MAGI3: variants seen among roughly 807,000 people sequenced by gnomAD.
The protein encoded by MAGI3 is membrane associated guanylate kinase, WW and PDZ domain containing 3, also known as membrane-associated guanylate kinase, WW and PDZ domain-containing protein 3.
A neutral mutation model predicts 121.8 loss-of-function variants in MAGI3; 43 were observed. That is an observed-to-expected ratio of 0.35 (90% CI 0.28 to 0.46). The LOEUF is 0.46. Among genes scored for constraint, MAGI3 ranks in the 20% least tolerant of loss-of-function variants. MAGI3 has a pLI of 1.00. For synonymous variants in MAGI3, 553 were observed against 639.3 expected, an observed-to-expected ratio of 0.86 and a Z score of 2.04; for missense variants, 1,547 against 1,797.3, an observed-to-expected ratio of 0.86 and a Z score of 2.52.
intron 16 of MAGI3, among the ~76,000 whole-genome samples, chr1:113,671,278 T>C (rs1276215031): frequency 6.6e-6 from 1 of 152,182 alleles, no homozygotes; most frequent in Non-Finnish European, 1.5e-5. Context: ...ATATTGAAGA[T>C]GCAGGTTCAA....
chr1:113,666,610 C>A (rs755993293), intron 16 of MAGI3, among the ~76,000 whole-genome samples: 23 of 152,192 alleles, frequency 1.5e-4, no homozygotes, highest in Non-Finnish European at 2.8e-4. Flanking sequence ...TCAAAGTCAT[C>A]CATGGGAACT....
chr1:113,599,438 A>C (rs1649227664), intron 6 of MAGI3, among the ~76,000 whole-genome samples: 1 of 151,904 alleles, frequency 6.6e-6, no homozygotes, highest in South Asian at 2.1e-4. Context: ...GAATACTACG[A>C]ACACCTCTAC....
intron 14 of MAGI3, among the ~76,000 whole-genome samples, chr1:113,652,323 A>G (rs1653218269): frequency 6.6e-6 from 1 of 152,202 alleles, no homozygotes; most frequent in African/African-American, 2.4e-5. Context: ...TCGGCACCTA[A>G]AAGAGTGCCT....
At chr1:113,395,087 G>GTTTTTTGTTTTTTT (rs1651023419) in intron 1 of MAGI3, among the ~76,000 whole-genome samples, 1 of 33,244 alleles carries the variant, frequency 3.0e-5, no homozygotes, top group East Asian at 5.8e-4. Context: ...CTTTTTGTTA[G>GTTTTTTGTTTTTTT]TTTTTTTTTT....
At chr1:113,640,049 C>G (rs1354187101) in intron 9 of MAGI3, among the ~76,000 whole-genome samples, 1 of 152,008 alleles carries the variant, frequency 6.6e-6, no homozygotes, top group African/African-American at 2.4e-5. Flanking sequence ...ATAGACTGAC[C>G]CTGTCAAAAA....
At chr1:113,476,672 G>A (rs1420365616) in intron 1 of MAGI3, among the ~76,000 whole-genome samples, 2 of 152,216 alleles carry the variant, frequency 1.3e-5, no homozygotes, top group Non-Finnish European at 2.9e-5. Flanking sequence ...TAAGTGTGAT[G>A]TGGTGCTAAC....
intron 1 of MAGI3, among the ~76,000 whole-genome samples, chr1:113,395,303 A>C (rs1651053017): frequency 6.6e-6 from 1 of 151,678 alleles, no homozygotes; most frequent in Non-Finnish European, 1.5e-5. Context: ...AAAAAGAAGC[A>C]AGCCAAGCCC....
chr1:113,554,795 A>G (rs1659922404), intron 2 of MAGI3, among the ~76,000 whole-genome samples: 1 of 152,080 alleles, frequency 6.6e-6, no homozygotes, highest in Non-Finnish European at 1.5e-5. Flanking sequence ...AACCATATCA[A>G]AGGACATCAT....
intron 20 of MAGI3, chr1:113,682,488 G>A: frequency 7.6e-7 from 1 of 1,320,490 alleles, no homozygotes; most frequent in South Asian, 2.2e-5. Flanking sequence ...ACCACAGTTT[G>A]GTTTCCTTTA....
rs1228375415 is a variant in MAGI3, at chr1:113,390,927, C to A, written c.-107C>A. ...GTGGGGGCCGGAGCGGCGAGGCCCC[C>A]CTTACCGGGCTGCGCGGGCCGCCCA... is the stretch of plus-strand genomic sequence containing the variant. On this transcript the variant is annotated 5_prime_UTR_variant, in exon 1 of 21. Transcript: ENST00000307546. 15 of 895,336 alleles carry A rather than the reference C, an allele frequency of 1.7e-5. No individual in the cohort carries two copies. The highest frequency in any genetic ancestry group is 2.2e-5 in the Non-Finnish European group (15 of 683,238). The allele number at this position is 895,336 out of a possible 1,614,324, so 55.5% of individuals were successfully genotyped here.
intron 5 of MAGI3, 35 bp from the exon 6 acceptor site, chr1:113,594,446 T>G (rs776221878): frequency 2.1e-5 from 32 of 1,528,820 alleles, no homozygotes; most frequent in African/African-American, 2.8e-5. Context: ...TCCTCCTTTA[T>G]TTTACTGTTT....
At chr1:113,517,354 A>G (rs1657978661) in intron 1 of MAGI3, among the ~76,000 whole-genome samples, 1 of 151,910 alleles carries the variant, frequency 6.6e-6, no homozygotes, top group African/African-American at 2.4e-5. Flanking sequence ...AAAGGCCTCA[A>G]AACATTGCCA....
chr1:113,457,398 TG>T (rs976804811), intron 1 of MAGI3, among the ~76,000 whole-genome samples: 14 of 152,304 alleles, frequency 9.2e-5, no homozygotes, highest in African/African-American at 3.4e-4. Flanking sequence ...AAAGTCAATT[TG>T]TGTTTGAGAT....
At chr1:113,674,975 G>C (rs1647786084) in intron 19 of MAGI3, among the ~76,000 whole-genome samples, 1 of 152,158 alleles carries the variant, frequency 6.6e-6, no homozygotes, top group Non-Finnish European at 1.5e-5. Context: ...TAAAACTAAG[G>C]AAGTATAAGT....
intron 13 of MAGI3, 26 bp from the exon 14 acceptor site, chr1:113,650,988 C>G (rs746565534): frequency 1.9e-6 from 3 of 1,599,152 alleles, no homozygotes; most frequent in East Asian, 2.3e-5. Flanking sequence ...CACTGTGGAC[C>G]AAACTGTACT....
intron 9 of MAGI3, among the ~76,000 whole-genome samples, chr1:113,637,447 T>G (rs1330759100): frequency 6.6e-6 from 1 of 152,186 alleles, no homozygotes; most frequent in African/African-American, 2.4e-5. Context: ...TCTCTCAGCA[T>G]TTGCTTGTCT....
chr1:113,683,265 G>C lies in MAGI3; in HGVS notation c.3697G>C (p.Glu1233Gln), dbSNP rs1398929146. The change falls in exon 21 of 21, where the codon GAG becomes CAG. Residue 1233 changes from glutamate to glutamine, a missense_variant. Physicochemically the swap from Glu to Gln is conservative, Grantham distance 29. Coordinates refer to ENST00000307546, the MANE Select transcript of MAGI3 (RefSeq NM_001142782.2). ...SPKKPASQHS[E>Q]EHLDKIPSPL... is the part of the protein sequence containing the mutation. ...CAAAAAGCCAGCCAGTCAACATTCA[G>C]AGGAACATTTGGATAAGATTCCTAG... 3.1e-6 allele frequency: 5 copies of C among 1,613,134 alleles called. No homozygotes were observed. In the East Asian group the frequency reaches 8.9e-5, roughly 29 times the overall value.
At chr1:113,427,919 T>C (rs1653094805) in intron 1 of MAGI3, among the ~76,000 whole-genome samples, 2 of 152,216 alleles carry the variant, frequency 1.3e-5, no homozygotes, top group African/African-American at 2.4e-5. Context: ...GGGTAAACTT[T>C]AGTTACTTGA....
At chr1:113,563,020 G>T (rs1307111165) in intron 2 of MAGI3, among the ~76,000 whole-genome samples, 1 of 152,006 alleles carries the variant, frequency 6.6e-6, no homozygotes, top group Non-Finnish European at 1.5e-5. Context: ...AATATTAAAA[G>T]AAAATGTTAG....
Sources: allele counts gnomAD v4.1 joint callset (sites outside exome capture counted in the v4.1 genomes callset), GRCh38; gene constraint gnomAD v4.1.1; transcripts MANE v1.5; gene names NCBI Gene and HGNC (gene_info 2026-07-23, HGNC 2026-07-21).